The following TNPO1 variants were observed in gnomAD, a reference collection of about 807,000 sequenced individuals.
The protein encoded by TNPO1 is transportin 1.
In TNPO1, 8 loss-of-function variants were observed where a neutral mutation model predicts 119.5. The observed-to-expected ratio is 0.07, with a 90% confidence interval of 0.04 to 0.12. The LOEUF (loss-of-function observed/expected upper bound fraction) is 0.12. Among genes scored for constraint, TNPO1 ranks in the 10% least tolerant of loss-of-function variants. The pLI is 1.00. For missense variants in TNPO1, 576 were observed against 1,089.8 expected, an observed-to-expected ratio of 0.53 and a Z score of 6.64; for synonymous variants, 362 against 363.0, an observed-to-expected ratio of 1.00 and a Z score of 0.03.
intron 13 of TNPO1, among the ~76,000 whole-genome samples, chr5:72,889,107 G>A (rs1748866892): frequency 1.3e-5 from 2 of 152,100 alleles, no homozygotes; most frequent in Admixed American, 6.6e-5. Flanking sequence ...GCCCAGGCTG[G>A]AGTGCAGTGG....
intron 1 of TNPO1, among the ~76,000 whole-genome samples, chr5:72,826,684 A>G (rs945192327): frequency 6.6e-6 from 1 of 152,242 alleles, no homozygotes; most frequent in Admixed American, 6.5e-5. Context: ...CAAAATCTGT[A>G]TAATGACTAG....
intron 9 of TNPO1, among the ~76,000 whole-genome samples, chr5:72,881,711 G>C (rs1280513059): frequency 1.3e-5 from 2 of 152,104 alleles, no homozygotes; most frequent in African/African-American, 2.4e-5. Flanking sequence ...AAAGAAAGCA[G>C]GTGACCCTTT....
chr5:72,896,849 C>T (rs1047391821), intron 19 of TNPO1, among the ~76,000 whole-genome samples: 3 of 152,088 alleles, frequency 2.0e-5, no homozygotes, highest in Non-Finnish European at 4.4e-5. Flanking sequence ...AGCCTGGTGA[C>T]GGAGCGAAAC....
chr5:72,855,804 T>C lies in TNPO1; in HGVS notation c.236T>C (p.Ile79Thr). Residue 79 changes from isoleucine (I) to threonine (T), a missense_variant, in exon 4 of 25, where the codon ATC becomes ACC. Transcript: ENST00000337273. ...CCCACAAGATCATTGAGTGGTCTTA[T>C]CTTGAAGAATAATGTGAAAGCACAC... ...DEPTRSLSGL[I>T]LKNNVKAHFQ... 1 of 1,611,704 alleles carries C rather than the reference T, an allele frequency of 6.2e-7. No homozygotes were observed. The highest frequency in any genetic ancestry group is 8.5e-7 in the Non-Finnish European group (1 of 1,179,500).
chr5:72,839,027 T>C (rs1254920394), intron 1 of TNPO1, among the ~76,000 whole-genome samples: 2 of 152,178 alleles, frequency 1.3e-5, no homozygotes, highest in African/African-American at 4.8e-5. Flanking sequence ...AATCATGTTA[T>C]AATACGTAAG....
At chr5:72,884,347 C>G (rs1259330198) in intron 11 of TNPO1, among the ~76,000 whole-genome samples, 1 of 152,022 alleles carries the variant, frequency 6.6e-6, no homozygotes, top group Admixed American at 6.6e-5. Flanking sequence ...CTTAAACTAC[C>G]ATTTCTCAAA....
At chr5:72,836,766 C>T (rs986934667) in intron 1 of TNPO1, among the ~76,000 whole-genome samples, 1 of 152,182 alleles carries the variant, frequency 6.6e-6, no homozygotes, top group African/African-American at 2.4e-5. Context: ...AGAAGCCATG[C>T]CACACCTTGA....
chr5:72,848,148 C>T (rs775977640), intron 1 of TNPO1: 11 of 1,203,568 alleles, frequency 9.1e-6, no homozygotes, highest in Non-Finnish European at 1.1e-5. Flanking sequence ...TCCTTGCGCT[C>T]GGCGGCCGCG....
In TNPO1 at chr5:72,895,139, TAAAG is replaced by T. The variant is rs373392430; in HGVS notation, c.2144-1315_2144-1312del. On this transcript the variant is annotated intron_variant, in intron 18 of 24. Coordinates refer to ENST00000337273, the MANE Select transcript of TNPO1 (RefSeq NM_002270.4). ...ATCTCTTCTTACAATTGTTTTTTGT[TAAAG>T]AAACCATGTTTTTTATTCTAAAGAG... Among the ~76,000 whole-genome samples the T allele has an allele frequency of 2.3e-3, 345 of 152,350 alleles. 3 individuals carry two copies. Among genetic ancestry groups the T allele is most frequent in the African/African-American group, 7.8e-3 (326 of 41,576 alleles).
chr5:72,823,425 T>C (rs377540368), intron 1 of TNPO1, among the ~76,000 whole-genome samples: 39 of 152,324 alleles, frequency 2.6e-4, no homozygotes, highest in African/African-American at 8.7e-4. Flanking sequence ...CATTCCACAG[T>C]GATACCCTCG....
intron 1 of TNPO1, 176 bp from the exon 2 acceptor site, chr5:72,848,209 C>A (rs1745232293): frequency 8.1e-7 from 1 of 1,240,894 alleles, no homozygotes; most frequent in Non-Finnish European, 1.0e-6. Context: ...GCAGTTCCGC[C>A]GGGTTTCACT....
chr5:72,840,060 C>T (rs1744842316), intron 1 of TNPO1, among the ~76,000 whole-genome samples: 1 of 152,148 alleles, frequency 6.6e-6, no homozygotes, highest in South Asian at 2.1e-4. Flanking sequence ...AGTAGACATT[C>T]ATCAAGAGAG....
At chr5:72,839,912 T>C (rs1433581598) in intron 1 of TNPO1, among the ~76,000 whole-genome samples, 1 of 152,198 alleles carries the variant, frequency 6.6e-6, no homozygotes, top group African/African-American at 2.4e-5. Context: ...GTTGATGTTT[T>C]GAGGGTGACA....
At chr5:72,858,999 C>CAA (rs1746226399) in intron 4 of TNPO1, among the ~76,000 whole-genome samples, 1 of 144,970 alleles carries the variant, frequency 6.9e-6, no homozygotes, top group South Asian at 2.2e-4. Flanking sequence ...TCTTAGTTTA[C>CAA]ATGAGAAAAA....
Position 72,908,849 on chromosome 5 carries a change from A to G in TNPO1, c.*176A>G. On this transcript the variant is annotated 3_prime_UTR_variant, in exon 25 of 25. Transcript: ENST00000337273. Reference sequence around the variant, plus strand: ...GGGGCGGGAGGGAGGTGTTGCCGTCACTGTATTAAGTCGATGTTGGGAAAC... The same window carrying G: ...GGGGCGGGAGGGAGGTGTTGCCGTCGCTGTATTAAGTCGATGTTGGGAAAC... 1 of 450,894 alleles carries G rather than the reference A, an allele frequency of 2.2e-6. No homozygotes were observed. Among genetic ancestry groups the G allele is most frequent in the Non-Finnish European group, 4.5e-6 (1 of 224,150 alleles). The allele number at this position is 450,894 out of a possible 1,614,324, so 27.9% of individuals were successfully genotyped here. A position where few individuals can be genotyped will look rare whatever the true frequency, so the allele number is the denominator to read the frequency against.
At chr5:72,850,725 ATAAT>A (rs1745481574) in intron 2 of TNPO1, among the ~76,000 whole-genome samples, 1 of 152,244 alleles carries the variant, frequency 6.6e-6, no homozygotes, top group Non-Finnish European at 1.5e-5. Context: ...TGCTGACTTT[ATAAT>A]AAGATATATA....
intron 1 of TNPO1, among the ~76,000 whole-genome samples, chr5:72,822,461 T>A (rs1252338716): frequency 6.6e-6 from 1 of 152,172 alleles, no homozygotes; most frequent in Non-Finnish European, 1.5e-5. Flanking sequence ...CAGTTTCCAT[T>A]TCTTAGAGAA....
chr5:72,877,094 C>CAAA (rs35883847), intron 8 of TNPO1, 134 bp from the exon 9 acceptor site: 93 of 235,140 alleles, frequency 4.0e-4, no homozygotes, highest in South Asian at 1.0e-3. Context: ...GACTGCATCT[C>CAAA]AAAAAAAAAA....
At position 72,851,790 on chromosome 5, in the gene TNPO1, A is replaced by C. The variant is rs139328076; in HGVS notation, c.205+471A>C. ...ATTGCAGGTGTGAGCCACTGTGCCCAGCCAGCATTCATTTTTAATAGGGTG... is the reference window on the plus strand; with the variant it reads ...ATTGCAGGTGTGAGCCACTGTGCCCCGCCAGCATTCATTTTTAATAGGGTG... On this transcript the variant is annotated intron_variant, in intron 3 of 24. Transcript: ENST00000337273. 5.4e-3 allele frequency among the ~76,000 whole-genome samples: 817 copies of C among 152,330 alleles called. 5 individuals carry two copies. Among genetic ancestry groups the C allele is most frequent in the African/African-American group, 0.018 (766 of 41,586 alleles).
Sources: gnomAD v4.1 joint callset for allele counts (sites outside exome capture counted in the v4.1 genomes callset) on GRCh38, gnomAD v4.1.1 for gene constraint, MANE v1.5 for transcripts, NCBI Gene and HGNC (gene_info 2026-07-23, HGNC 2026-07-21) for gene names.